CCDC30: variants seen among roughly 807,000 people sequenced by gnomAD.
The protein encoded by CCDC30 is coiled-coil domain-containing protein 30.
A neutral mutation model predicts 100.2 loss-of-function variants in CCDC30; 70 were observed. That is an observed-to-expected ratio of 0.70 (90% confidence interval 0.58 to 0.85). The LOEUF (loss-of-function observed/expected upper bound fraction) is 0.85, where lower values mean the gene tolerates loss of function less well. Ranked by LOEUF, CCDC30 falls within the 40% of genes least tolerant of loss-of-function variation. The pLI is 0.00. For synonymous variants in CCDC30, 233 were observed against 269.5 expected, an observed-to-expected ratio of 0.86 and a Z score of 1.33; for missense variants, 652 against 771.2, an observed-to-expected ratio of 0.85 and a Z score of 1.83.
exon 6 of CCDC30, chr1:42,498,847 A>C: frequency 2.4e-6 from 3 of 1,234,066 alleles, no homozygotes; most frequent in Non-Finnish European, 3.0e-6. Flanking sequence ...AGGTGTGTGA[A>C]TCTCAAGAGA....
At chr1:42,539,940 G>C (rs886429296) in intron 6 of CCDC30, among the ~76,000 whole-genome samples, 7 of 151,070 alleles carry the variant, frequency 4.6e-5, no homozygotes, top group Admixed American at 4.6e-4. Flanking sequence ...AAAAGAAAAG[G>C]CTACCTGGCC....
Position 42,641,215 on chromosome 1 carries a change from TTGTGTGTGTGTG to T in CCDC30, c.1420-1223_1420-1212del, listed in dbSNP as rs71065188. Among the ~76,000 whole-genome samples the T allele has an allele frequency of 4.0e-3, 527 of 132,444 alleles. 2 individuals are homozygous for T. Among genetic ancestry groups the T allele is most frequent in the African/African-American group, 0.013 (446 of 35,338 alleles). The allele number at this position is 132,444 out of a possible 152,430, so 86.9% of individuals were successfully genotyped here. On this transcript the variant is annotated intron_variant, in intron 12 of 16. Coordinates refer to ENST00000668663, the Ensembl canonical transcript of CCDC30. ...CAGCCTTGAACTCCACACATGGCTT[TTGTGTGTGTGTG>T]TGTGTGTGTGTGTGTGTGTGTGTGT... is the stretch of plus-strand genomic sequence containing the variant.
intron 15 of CCDC30, among the ~76,000 whole-genome samples, chr1:42,649,060 T>C (rs915880563): frequency 6.6e-6 from 1 of 152,042 alleles, no homozygotes; most frequent in Non-Finnish European, 1.5e-5. Context: ...TAATAAAAAG[T>C]CTTCCATCAA....
intron 3 of CCDC30, 65 bp from the exon 4 acceptor site, chr1:42,490,093 A>T (rs1644114477): frequency 3.5e-6 from 2 of 563,746 alleles, no homozygotes; most frequent in South Asian, 1.9e-4. Context: ...AGAGAGAGTC[A>T]TTTGAAATTT....
At chr1:42,519,993 TTCTC>T (rs1384032123) in intron 6 of CCDC30, among the ~76,000 whole-genome samples, 2 of 152,188 alleles carry the variant, frequency 1.3e-5, no homozygotes, top group Admixed American at 6.5e-5. Context: ...AATTTGAGTC[TTCTC>T]TCTTTTTTCT....
At chr1:42,638,333 C>A (rs1296561893) in intron 12 of CCDC30, among the ~76,000 whole-genome samples, 2 of 151,978 alleles carry the variant, frequency 1.3e-5, no homozygotes, top group Non-Finnish European at 2.9e-5. Context: ...CCACTGCACT[C>A]CAGCCTGGGC....
intron 6 of CCDC30, among the ~76,000 whole-genome samples, chr1:42,507,826 A>T (rs2148487591): frequency 6.6e-6 from 1 of 152,338 alleles, no homozygotes; most frequent in South Asian, 2.1e-4. Flanking sequence ...TAGCAAACCT[A>T]GTATTTGACT....
intron 6 of CCDC30, among the ~76,000 whole-genome samples, chr1:42,512,669 A>G (rs1228188350): frequency 6.6e-6 from 1 of 152,118 alleles, no homozygotes; most frequent in African/African-American, 2.4e-5. Flanking sequence ...TTTTGCCAAC[A>G]CCCAGTCAAG....
chr1:42,634,249 CAAAAAA>C (rs754829759), intron 11 of CCDC30, among the ~76,000 whole-genome samples: 106 of 115,302 alleles, frequency 9.2e-4, no homozygotes, highest in South Asian at 7.1e-3. Flanking sequence ...AAGACTGTCT[CAAAAAA>C]AAAAAAAAAA....
intron 4 of CCDC30, among the ~76,000 whole-genome samples, chr1:42,493,525 T>G: frequency 6.6e-6 from 1 of 152,110 alleles, no homozygotes; most frequent in Middle Eastern, 3.2e-3. Flanking sequence ...AGGCAGAGGT[T>G]GCAGTGACCG....
At chr1:42,621,497 T>TTTTTTTTATTTA (rs1553124498) in intron 11 of CCDC30, among the ~76,000 whole-genome samples, 6 of 145,192 alleles carry the variant, frequency 4.1e-5, no homozygotes, top group East Asian at 2.0e-4. Context: ...GTTTATTTTA[T>TTTTTTTTATTTA]TTTATTTATT....
chr1:42,530,400 A>C (rs965757939), intron 6 of CCDC30, among the ~76,000 whole-genome samples: 1 of 152,208 alleles, frequency 6.6e-6, no homozygotes, highest in Non-Finnish European at 1.5e-5. Context: ...TTATGTATAC[A>C]TGGAAAAAAC....
chr1:42,564,701 A>G (rs1027507508), intron 6 of CCDC30, among the ~76,000 whole-genome samples: 1 of 152,204 alleles, frequency 6.6e-6, no homozygotes, highest in Non-Finnish European at 1.5e-5. Flanking sequence ...TGGTGAGAAC[A>G]TTTAAGCTCT....
At chr1:42,601,723 A>G (rs7549154) in intron 10 of CCDC30, among the ~76,000 whole-genome samples, 59,703 of 151,682 alleles carry the variant, frequency 0.39, 12,210 homozygotes, top group Non-Finnish European at 0.45. Flanking sequence ...AAAAGAAGCC[A>G]GCCAGCAAAG....
chr1:42,647,263 G>A (rs1647965993), intron 15 of CCDC30, among the ~76,000 whole-genome samples: 1 of 151,582 alleles, frequency 6.6e-6, no homozygotes, highest in Non-Finnish European at 1.5e-5. Context: ...CCATGCAACT[G>A]GAAACCAAAG....
intron 11 of CCDC30, among the ~76,000 whole-genome samples, chr1:42,621,261 C>T (rs1297582775): frequency 1.3e-5 from 2 of 152,018 alleles, no homozygotes; most frequent in Non-Finnish European, 2.9e-5. Context: ...GGGTACTCAT[C>T]CCCTCAAGCA....
At chr1:42,570,213 G>A (rs527497828) in intron 7 of CCDC30, among the ~76,000 whole-genome samples, 35 of 151,552 alleles carry the variant, frequency 2.3e-4, no homozygotes, top group African/African-American at 8.2e-4. Flanking sequence ...ACAATCCTAG[G>A]GCTTTGGGAG....
chr1:42,500,367 G>A (rs1644291701), intron 6 of CCDC30: 15 of 1,453,004 alleles, frequency 1.0e-5, no homozygotes, highest in East Asian at 6.8e-5. Context: ...GGAGTGAGGT[G>A]CGTGAGAACG....
intron 11 of CCDC30, among the ~76,000 whole-genome samples, chr1:42,630,701 C>G (rs2148668862): frequency 6.6e-6 from 1 of 152,166 alleles, no homozygotes; most frequent in South Asian, 2.1e-4. Flanking sequence ...TTCAAATAGT[C>G]TATCTTCAAG....
Sources: gnomAD v4.1 joint callset for allele counts (sites outside exome capture counted in the v4.1 genomes callset) on GRCh38, gnomAD v4.1.1 for gene constraint, MANE v1.5 for transcripts, NCBI Gene and HGNC (gene_info 2026-07-23, HGNC 2026-07-21) for gene names.